HEATR5B: variants seen among roughly 807,000 people sequenced by gnomAD.
HEATR5B encodes the protein HEAT repeat containing 5B, also known as HEAT repeat-containing protein 5B.
In HEATR5B, 156 loss-of-function variants were observed where a neutral mutation model predicts 224.1. The observed-to-expected ratio is 0.70, with a 90% CI of 0.61 to 0.80. The LOEUF (loss-of-function observed/expected upper bound fraction) is 0.80, where lower values mean the gene tolerates loss of function less well. HEATR5B is among the 30% of genes least tolerant of loss of function. HEATR5B has a pLI of 0.00. For synonymous variants in HEATR5B, 1,027 were observed against 893.0 expected (o/e 1.15, Z -2.68); for missense variants, 2,323 against 2,535.5 (o/e 0.92, Z 1.80).
chr2:37,059,039 A>C, intron 12 of HEATR5B, 52 bp from the exon 13 acceptor site: 1 of 1,091,620 alleles, frequency 9.2e-7, no homozygotes, highest in Non-Finnish European at 1.4e-6. Context: ...GTGAACATGA[A>C]TTAATTTATA....
intron 33 of HEATR5B, among the ~76,000 whole-genome samples, chr2:36,993,653 A>T (rs1369576602): frequency 1.3e-5 from 2 of 152,200 alleles, no homozygotes; most frequent in Non-Finnish European, 2.9e-5. Context: ...TGGCAACTTC[A>T]TAGTGGGGAA....
At position 37,020,683 on chromosome 2, in the gene HEATR5B, T is replaced by G. The variant is rs1277665449; in HGVS notation, c.4007A>C (p.His1336Pro). ...ASVPEPEFPG[H>P]VILEQYQANV... ...AGCCTGATACTGCTCCAGTATCACA[T>G]GACCTGGAAATTCTGGCTCAGGCAC... The change falls in exon 25 of 36, where the codon CAT (histidine) becomes CCT (proline). Residue 1336 changes from histidine (H) to proline (P), a missense_variant. His to Pro is a moderately conservative substitution (Grantham distance 77). Around this residue, in one of 12 missense-constraint regions of HEATR5B, gnomAD observed 339 missense variants for 378.4 expected, o/e 0.90. Transcript: ENST00000233099. 2 of 1,590,330 alleles carry G rather than the reference T, an allele frequency of 1.3e-6. No homozygotes were observed.
intron 33 of HEATR5B, among the ~76,000 whole-genome samples, chr2:36,992,458 G>A (rs1666395257): frequency 6.6e-6 from 1 of 152,032 alleles, no homozygotes; most frequent in Non-Finnish European, 1.5e-5. Flanking sequence ...GTGCATGCCT[G>A]CAGTCCCAGC....
chr2:36,982,538 C>G (rs571569605), intron 35 of HEATR5B, among the ~76,000 whole-genome samples: 1 of 152,058 alleles, frequency 6.6e-6, no homozygotes, highest in Admixed American at 6.6e-5. Context: ...TTGAGAATTA[C>G]GCGTTCTCCC....
At chr2:36,993,453 C>G (rs572371828) in intron 33 of HEATR5B, among the ~76,000 whole-genome samples, 17 of 151,508 alleles carry the variant, frequency 1.1e-4, no homozygotes, top group African/African-American at 3.6e-4. Context: ...GGGAGAATTG[C>G]TTGAACATAG....
At chr2:37,066,002 G>A (rs1671566663) in intron 8 of HEATR5B, 92 bp from the exon 9 acceptor site, 6 of 1,081,380 alleles carry the variant, frequency 5.5e-6, no homozygotes, top group African/African-American at 1.6e-5. Flanking sequence ...AGCCATACCA[G>A]TTGATGTCCG....
intron 35 of HEATR5B, among the ~76,000 whole-genome samples, chr2:36,985,830 T>A (rs1665917565): frequency 6.6e-6 from 1 of 152,020 alleles, no homozygotes; most frequent in South Asian, 2.1e-4. Flanking sequence ...ATAGTTGAAA[T>A]TACAATGCTT....
chr2:37,052,026 C>T (rs1670585061), intron 17 of HEATR5B, among the ~76,000 whole-genome samples: 2 of 152,188 alleles, frequency 1.3e-5, no homozygotes, highest in Non-Finnish European at 2.9e-5. Context: ...AGGCATAAGC[C>T]ACCACGCCCA....
At chr2:36,985,189 T>G (rs1167899949) in intron 35 of HEATR5B, among the ~76,000 whole-genome samples, 1 of 152,188 alleles carries the variant, frequency 6.6e-6, no homozygotes, top group Non-Finnish European at 1.5e-5. Context: ...AAGTGAAGTA[T>G]AAAAATGTTG....
At chr2:37,008,890 TA>T (rs752466892) in intron 27 of HEATR5B, 42 bp from the exon 28 acceptor site, 17 of 1,150,146 alleles carry the variant, frequency 1.5e-5, no homozygotes, top group Non-Finnish European at 1.9e-5. Flanking sequence ...AGGCATAAGA[TA>T]AAAAAATAAG....
intron 11 of HEATR5B, 82 bp downstream of exon 11, chr2:37,061,857 C>T (rs1671298920): frequency 1.6e-5 from 12 of 773,584 alleles, no homozygotes; most frequent in East Asian, 7.9e-5. Flanking sequence ...GAATGTGAAG[C>T]TTAACACTTT....
intron 34 of HEATR5B, 55 bp downstream of exon 34, chr2:36,990,593 A>G: frequency 1.4e-6 from 2 of 1,419,130 alleles, no homozygotes. Flanking sequence ...TCAATCTGAC[A>G]TTTTCCTGAT....
chr2:37,046,887 TA>T (rs1670233119), intron 18 of HEATR5B, among the ~76,000 whole-genome samples: 1 of 150,978 alleles, frequency 6.6e-6, no homozygotes, highest in Admixed American at 6.6e-5. Context: ...TTGTCTCTAC[TA>T]AAAATACAAG....
At chr2:37,079,382 A>C in intron 2 of HEATR5B, 51 bp from the exon 3 acceptor site, 1 of 970,072 alleles carries the variant, frequency 1.0e-6, no homozygotes, top group Non-Finnish European at 1.5e-6. Context: ...TTTTTTTGTT[A>C]CCTTTTAATC....
chr2:37,066,114 A>T (rs777034319), intron 8 of HEATR5B, among the ~76,000 whole-genome samples: 73 of 152,236 alleles, frequency 4.8e-4, no homozygotes, highest in Non-Finnish European at 9.1e-4. Context: ...TAATGCTAAA[A>T]TATATACTGA....
At position 36,981,809 on chromosome 2, in the gene HEATR5B, G is replaced by A. The variant is rs1194459526; in HGVS notation, c.5912-15C>T. The A allele has an allele frequency of 4.5e-6, 7 of 1,554,144 alleles. No homozygotes were observed. The Admixed American group carries it at 8.0e-5, about 18-fold the overall frequency. Reference sequence around the variant, plus strand: ...TAGCTGGACTCCTGTAAATAATAAAGTATGAAAAAAGATCACAAACATAAG... The same window carrying A: ...TAGCTGGACTCCTGTAAATAATAAAATATGAAAAAAGATCACAAACATAAG... On this transcript the variant is annotated splice_polypyrimidine_tract_variant and intron_variant, in intron 35 of 35. Transcript: ENST00000233099.
chr2:37,013,817 A>T, intron 27 of HEATR5B, 24 bp downstream of exon 27: 2 of 1,519,544 alleles, frequency 1.3e-6, no homozygotes, highest in South Asian at 2.6e-5. Context: ...GGTCAAAAAC[A>T]ATAGATTGTG....
intron 27 of HEATR5B, among the ~76,000 whole-genome samples, chr2:37,012,018 C>T (rs2087171073): frequency 6.6e-6 from 1 of 152,034 alleles, no homozygotes; most frequent in African/African-American, 2.4e-5. Flanking sequence ...ATCTTTCAGA[C>T]CTATTTTAAA....
In HEATR5B at chr2:36,995,377, C is replaced by T. The variant is rs145170483; in HGVS notation, c.5546-4578G>A. On this transcript the variant is annotated intron_variant, in intron 33 of 35. Transcript: ENST00000233099. ...GGATTACAGGTGTGAGCTACCATGG[C>T]CAGCCCTTGTTATTCCTATCTATAC... Among the ~76,000 whole-genome samples the T allele has an allele frequency of 4.0e-3, 610 of 152,232 alleles. 2 individuals carry two copies. The highest frequency in any genetic ancestry group is 7.0e-3 in the Non-Finnish European group (476 of 68,024).
Sources: allele counts gnomAD v4.1 joint callset (sites outside exome capture counted in the v4.1 genomes callset), GRCh38; gene constraint gnomAD v4.1.1; regional missense constraint gnomAD v4.1.1; transcripts MANE v1.5; gene names NCBI Gene and HGNC (gene_info 2026-07-23, HGNC 2026-07-21).